Variants in BRIX1 observed in about 807,000 individuals in gnomAD.
The protein encoded by BRIX1 is ribosome biogenesis protein BRX1 homolog.
In BRIX1, 15 loss-of-function variants were observed where a neutral mutation model predicts 44.0. The observed-to-expected ratio is 0.34, with a 90% CI of 0.23 to 0.53. The LOEUF (loss-of-function observed/expected upper bound fraction) is 0.53. Among genes scored for constraint, BRIX1 ranks in the 20% least tolerant of loss-of-function variants. BRIX1 has a pLI of 0.95. For synonymous variants in BRIX1, 149 were observed against 135.4 expected, an observed-to-expected ratio of 1.10 and a Z score of -0.70; for missense variants, 420 against 432.8, an observed-to-expected ratio of 0.97 and a Z score of 0.26.
rs1449254288 is a variant in BRIX1 at position 34,915,754 on chromosome 5, A to C, written c.16A>C (p.Arg6=). 5 of 1,603,728 alleles carry C rather than the reference A, an allele frequency of 3.1e-6. No homozygotes were observed. Among genetic ancestry groups the C allele is most frequent in the Non-Finnish European group, 3.4e-6 (4 of 1,175,368 alleles). Residue 6 remains arginine, a synonymous_variant, in exon 1 of 10, where the codon AGG becomes CGG. Transcript: ENST00000336767. ...GCGAGGCAAGATGGCGGCAACCAAG[A>C]GGAAACGGCGTGGAGGCTTTGCAGT... is the stretch of plus-strand genomic sequence containing the variant. The part of the protein sequence containing the change: MAATK[R]KRRGGFAVQA...
At chr5:34,916,676 G>C (rs757905575) in intron 1 of BRIX1, 1 of 152,202 alleles carries the variant, frequency 6.6e-6, no homozygotes, top group Non-Finnish European at 1.5e-5. Context: ...GATTATCTTT[G>C]ACATTAATTT....
intron 1 of BRIX1, among the ~76,000 whole-genome samples, chr5:34,917,399 C>T (rs201506356): frequency 1.3e-5 from 2 of 151,656 alleles, no homozygotes; most frequent in Non-Finnish European, 2.9e-5. Flanking sequence ...TTTGGGAGGC[C>T]GAGGCGGGTG....
chr5:34,916,044 T>C, intron 1 of BRIX1, 147 bp downstream of exon 1: 1 of 941,164 alleles, frequency 1.1e-6, no homozygotes, highest in Non-Finnish European at 1.5e-6. Context: ...CCGGCCAGAC[T>C]GGGCACGGAG....
chr5:34,917,461 G>A (rs943626641), intron 1 of BRIX1, among the ~76,000 whole-genome samples: 4 of 151,226 alleles, frequency 2.6e-5, no homozygotes, highest in South Asian at 2.1e-4. Flanking sequence ...GTGAAACCCC[G>A]TCTCTACTAA....
chr5:34,922,509 A>G (rs1561172798), intron 4 of BRIX1, 30 bp from the exon 5 acceptor site: 1 of 1,443,598 alleles, frequency 6.9e-7, no homozygotes, highest in Non-Finnish European at 9.7e-7. Flanking sequence ...TTTGCTAATT[A>G]GTTGAAAAAG....
intron 8 of BRIX1, among the ~76,000 whole-genome samples, chr5:34,924,310 A>G (rs1444183387): frequency 6.6e-6 from 1 of 152,256 alleles, no homozygotes; most frequent in East Asian, 1.9e-4. Flanking sequence ...TGTGAGTTGA[A>G]CACATCATCC....
rs1388636037 is a variant in BRIX1, at chr5:34,924,849, C to T, written c.666C>T (p.Ile222=). The change falls in exon 9 of 10, where the codon ATC becomes ATT. Residue 222 remains isoleucine (I), a splice_region_variant and synonymous_variant. Transcript: ENST00000336767. ...GAAATGTTTCCTTTTTATTAAAGATCATAGAAGAAGATGCTGCTCTTGTAG... is the reference window on the plus strand; with the variant it reads ...GAAATGTTTCCTTTTTATTAAAGATTATAGAAGAAGATGCTGCTCTTGTAG... The part of the protein sequence containing the change: ...DNRIWFRNFQ[I]IEEDAALVEI... 6.3e-7 allele frequency: 1 copy of T among 1,595,840 alleles called. No individual in the cohort carries two copies. Among genetic ancestry groups the T allele is most frequent in the South Asian group, 1.1e-5 (1 of 90,564 alleles).
In BRIX1 at chr5:34,923,310, G is replaced by A. The variant is rs57326744; in HGVS notation, c.663+76G>A. 667 of 1,188,640 alleles carry A rather than the reference G, an allele frequency of 5.6e-4. 6 individuals carry two copies. The African/African-American group carries it at 8.9e-3, about 16-fold the overall frequency. The allele number at this position is 1,188,640 out of a possible 1,614,324, so 73.6% of individuals were successfully genotyped here. ...TATTTATGTTTTGAGACAGAGTCTC[G>A]CTCTTGTTGCCCAGGCTGGACTGCA... On this transcript the variant is annotated intron_variant, in intron 8 of 9. Transcript: ENST00000336767.
chr5:34,923,023 A>G lies in BRIX1; in HGVS notation c.533A>G (p.Tyr178Cys), dbSNP rs1383494801. The G allele has an allele frequency of 6.5e-7, 1 of 1,541,150 alleles. No homozygotes were observed. The highest frequency in any genetic ancestry group is 9.0e-7 in the Non-Finnish European group (1 of 1,114,686). The change falls in exon 7 of 10, where the codon TAT (tyrosine) becomes TGT (cysteine). Residue 178 changes from tyrosine (Y) to cysteine (C), a missense_variant. Physicochemically the swap from Tyr to Cys is radical, Grantham distance 194. Coordinates refer to ENST00000336767, the MANE Select transcript of BRIX1 (RefSeq NM_018321.4). ...TAGGCTTTTGATGAATTACCACATT[A>G]TGCTTTGTTAAAAGAACTCTTAATT... ...FDPAFDELPH[Y>C]ALLKELLIQI...
chr5:34,921,806 C>G (rs905725862), intron 3 of BRIX1: 1 of 153,430 alleles, frequency 6.5e-6, no homozygotes, highest in African/African-American at 2.4e-5. Context: ...ACTCCGGAGG[C>G]TGAAGCAGGA....
chr5:34,923,880 G>T (rs1247394088), intron 8 of BRIX1, among the ~76,000 whole-genome samples: 2 of 152,134 alleles, frequency 1.3e-5, no homozygotes, highest in African/African-American at 4.8e-5. Flanking sequence ...ACTGTTAGTT[G>T]ATACAGAGTA....
intron 4 of BRIX1, 62 bp from the exon 5 acceptor site, chr5:34,922,477 T>C: frequency 3.9e-6 from 4 of 1,031,740 alleles, no homozygotes; most frequent in Non-Finnish European, 6.0e-6. Flanking sequence ...TTATGGTGAA[T>C]AGGTGGTAAG....
chr5:34,918,345 A>G lies in BRIX1; in HGVS notation c.160-19A>G. Reference sequence around the variant, plus strand: ...CAGTATAAGATTTTAAAATCTTTTAACATTTTCTTTTTCTTTAGGGAAAGT... The same window carrying G: ...CAGTATAAGATTTTAAAATCTTTTAGCATTTTCTTTTTCTTTAGGGAAAGT... On this transcript the variant is annotated intron_variant, in intron 1 of 9. Coordinates refer to ENST00000336767, the MANE Select transcript of BRIX1 (RefSeq NM_018321.4). The G allele has an allele frequency of 1.6e-6, 2 of 1,245,988 alleles. No homozygotes were observed. Among genetic ancestry groups the G allele is most frequent in the Non-Finnish European group, 2.3e-6 (2 of 853,170 alleles). 77.2% of individuals were successfully genotyped at this position (1,245,988 alleles called of 1,614,324 possible). A position where few individuals can be genotyped will look rare whatever the true frequency, so the allele number is the denominator to read the frequency against.
At chr5:34,922,518 A>C (rs1218595194) in intron 4 of BRIX1, 21 bp from the exon 5 acceptor site, 2 of 1,551,346 alleles carry the variant, frequency 1.3e-6, no homozygotes, top group Non-Finnish European at 1.8e-6. Flanking sequence ...TAGTTGAAAA[A>C]GCTTACTCCA....
intron 8 of BRIX1, among the ~76,000 whole-genome samples, chr5:34,924,028 T>TAGAAGTTTCTCTCTCAAAGCAC (rs1764297411): frequency 6.6e-6 from 1 of 152,124 alleles, no homozygotes; most frequent in East Asian, 1.9e-4. Context: ...TCTCAAAGCT[T>TAGAAGTTTCTCTCTCAAAGCAC]AGAAGTTTCT....
At position 34,924,923 on chromosome 5, in the gene BRIX1, G is replaced by A. The variant is rs1425306554; in HGVS notation, c.740G>A (p.Ser247Asn). 3.7e-6 allele frequency: 6 copies of A among 1,613,588 alleles called. No individual in the cohort carries two copies. In the Admixed American group the frequency reaches 5.0e-5, roughly 13 times the overall value. ...VLNLIKIFQG[S>N]FGGPTLYENP... ...AATCTCATAAAGATTTTCCAGGGAA[G>A]TTTTGGAGGACCAACTTTATATGAA... The change falls in exon 9 of 10, where the codon AGT becomes AAT. Residue 247 changes from serine (S) to asparagine (N), a missense_variant. Transcript: ENST00000336767.
At position 34,920,108 on chromosome 5, in the gene BRIX1, GAGA is replaced by G. The variant is rs1395384662; in HGVS notation, c.315+228_315+230del. ...AACAAGCATATTGAAATTTCCTCAG[GAGA>G]AGGATTATGTCCCATTTTTTAACCC... On this transcript the variant is annotated intron_variant, in intron 3 of 9. Transcript: ENST00000336767. 6.7e-5 allele frequency: 23 copies of G among 343,112 alleles called. No individual in the cohort carries two copies. In the East Asian group the frequency reaches 1.3e-3, roughly 19 times the overall value. The allele number at this position is 343,112 out of a possible 1,614,324, so 21.3% of individuals were successfully genotyped here. A position where few individuals can be genotyped will look rare whatever the true frequency, so the allele number is the denominator to read the frequency against.
In BRIX1 at chr5:34,922,557, C is replaced by T. The variant is rs368231240; in HGVS notation, c.405C>T (p.His135=). The change falls in exon 5 of 10, where the codon CAC becomes CAT. Residue 135 remains histidine, a synonymous_variant. Transcript: ENST00000336767. The part of the protein sequence containing the change: ...DLYMWLSNSP[H]GPSAKFLVQN... Reference sequence around the variant, plus strand: ...CTTTCAGGCTTTCAAATTCACCTCACGGACCATCTGCTAAATTCCTTGTTC... The same window carrying T: ...CTTTCAGGCTTTCAAATTCACCTCATGGACCATCTGCTAAATTCCTTGTTC... 38 of 1,608,664 alleles carry T rather than the reference C, an allele frequency of 2.4e-5. No homozygotes were observed. The Admixed American group carries it at 3.2e-4, about 13-fold the overall frequency.
rs1764272834 is a variant in BRIX1 at position 34,923,002 on chromosome 5, C to T, written c.512C>T (p.Ala171Val). The T allele has an allele frequency of 6.6e-7, 1 of 1,524,612 alleles. No individual in the cohort carries two copies. Among genetic ancestry groups the T allele is most frequent in the Non-Finnish European group, 9.1e-7 (1 of 1,101,894 alleles). The allele number at this position is 1,524,612 out of a possible 1,614,324, so 94.4% of individuals were successfully genotyped here. The change falls in exon 7 of 10, where the codon GCT (alanine) becomes GTT (valine). Residue 171 changes from alanine (A) to valine (V), a missense_variant and splice_region_variant. Transcript: ENST00000336767. ...AATATGCTTACCTTATTTTTATAGG[C>T]TTTTGATGAATTACCACATTATGCT... ...GSRPLLSFDP[A>V]FDELPHYALL...
Sources: allele counts gnomAD v4.1 joint callset (sites outside exome capture counted in the v4.1 genomes callset), GRCh38; gene constraint gnomAD v4.1.1; transcripts MANE v1.5; gene names NCBI Gene and HGNC (gene_info 2026-07-23, HGNC 2026-07-21).